LAMC1: variants seen among roughly 807,000 people sequenced by gnomAD.
LAMC1 encodes laminin subunit gamma 1.
In LAMC1, 38 loss-of-function variants were observed where a neutral mutation model predicts 173.6. That is an observed-to-expected ratio of 0.22 (90% CI 0.17 to 0.29). LAMC1 has a LOEUF of 0.29. Ranked by LOEUF, LAMC1 falls within the 10% of genes least tolerant of loss-of-function variation. The pLI is 1.00. For synonymous variants in LAMC1, 746 were observed against 749.1 expected (o/e 1.00, Z 0.07); for missense variants, 1,824 against 2,051.8 (o/e 0.89, Z 2.14).
chr1:183,054,371 C>G (rs1654526918), intron 1 of LAMC1, among the ~76,000 whole-genome samples: 1 of 152,182 alleles, frequency 6.6e-6, no homozygotes, highest in African/African-American at 2.4e-5. Context: ...AGAGGCTGTT[C>G]TCTGAATCAC....
intron 5 of LAMC1, among the ~76,000 whole-genome samples, chr1:183,115,138 C>T (rs774630706): frequency 1.7e-4 from 26 of 152,172 alleles, no homozygotes; most frequent in Non-Finnish European, 3.4e-4. Context: ...GCCCATTCTT[C>T]AAGAGTTTAA....
chr1:183,060,627 A>G (rs973689700), intron 1 of LAMC1, among the ~76,000 whole-genome samples: 1 of 152,134 alleles, frequency 6.6e-6, no homozygotes, highest in African/African-American at 2.4e-5. Flanking sequence ...TACATGTCTG[A>G]CTCATAATTA....
intron 20 of LAMC1, among the ~76,000 whole-genome samples, chr1:183,131,636 T>A (rs1025569181): frequency 1.3e-5 from 2 of 152,216 alleles, no homozygotes; most frequent in Non-Finnish European, 2.9e-5. Context: ...ATATTTATAT[T>A]TCTCAAAACC....
chr1:183,116,143 AT>A (rs1267034693), intron 6 of LAMC1, among the ~76,000 whole-genome samples: 1 of 149,890 alleles, frequency 6.7e-6, no homozygotes, highest in African/African-American at 2.5e-5. Context: ...AAAAAAAAAA[AT>A]GACTTTAGGG....
chr1:183,133,315 G>T (rs943245255), intron 21 of LAMC1, 91 bp from the exon 22 acceptor site: 8 of 1,085,212 alleles, frequency 7.4e-6, no homozygotes, highest in African/African-American at 1.6e-5. Flanking sequence ...GAGGTTTTGG[G>T]CGTATTATCA....
chr1:183,087,192 TA>T lies in LAMC1; in HGVS notation c.419-16133del, dbSNP rs1655454254. ...ACTCAGCCTATTGCCTGGCACTGAG[TA>T]AATTTCAGGGTATGTTTGTAAATTG... On this transcript the variant is annotated intron_variant, in intron 1 of 27. Coordinates refer to ENST00000258341, the MANE Select transcript of LAMC1 (RefSeq NM_002293.4). Among the ~76,000 whole-genome samples the T allele has an allele frequency of 2.0e-5, 3 of 152,302 alleles. No homozygotes were observed. In the South Asian group the frequency reaches 6.2e-4, roughly 32 times the overall value.
At chr1:183,066,659 C>T (rs1030644240) in intron 1 of LAMC1, among the ~76,000 whole-genome samples, 6 of 152,176 alleles carry the variant, frequency 3.9e-5, no homozygotes, top group Non-Finnish European at 7.3e-5. Context: ...TTTGCAGGGA[C>T]ATGGATGAAG....
At chr1:183,079,984 C>T (rs1056742416) in intron 1 of LAMC1, among the ~76,000 whole-genome samples, 12 of 152,080 alleles carry the variant, frequency 7.9e-5, no homozygotes, top group East Asian at 3.9e-4. Context: ...TGGCTCATGC[C>T]TGTAATCCCA....
intron 2 of LAMC1, among the ~76,000 whole-genome samples, chr1:183,105,028 G>T (rs1232611331): frequency 6.7e-6 from 1 of 149,270 alleles, no homozygotes; most frequent in Non-Finnish European, 1.5e-5. Flanking sequence ...GGCCAACATG[G>T]TGAAACCCTG....
intron 1 of LAMC1, among the ~76,000 whole-genome samples, chr1:183,091,884 A>C (rs1474488001): frequency 6.6e-6 from 1 of 152,226 alleles, no homozygotes; most frequent in Non-Finnish European, 1.5e-5. Context: ...TTTACAGGGA[A>C]TCTTGACCAG....
chr1:183,092,902 A>T (rs919807250), intron 1 of LAMC1, among the ~76,000 whole-genome samples: 2 of 152,164 alleles, frequency 1.3e-5, no homozygotes, highest in African/African-American at 4.8e-5. Context: ...AGCACAACAC[A>T]TGATGTCTTC....
chr1:183,071,293 C>T (rs987467163), intron 1 of LAMC1, among the ~76,000 whole-genome samples: 30 of 152,108 alleles, frequency 2.0e-4, no homozygotes, highest in Admixed American at 5.2e-4. Flanking sequence ...ATACTTGATG[C>T]TGTGTTCTGT....
intron 1 of LAMC1, among the ~76,000 whole-genome samples, chr1:183,042,747 C>A (rs1189998265): frequency 6.6e-6 from 1 of 152,224 alleles, no homozygotes; most frequent in Non-Finnish European, 1.5e-5. Context: ...GCACAGCCTT[C>A]ACTCCCTGAC....
intron 2 of LAMC1, among the ~76,000 whole-genome samples, chr1:183,107,972 G>A (rs1656031445): frequency 6.6e-6 from 1 of 152,146 alleles, no homozygotes; most frequent in African/African-American, 2.4e-5. Flanking sequence ...TGTGTATCGA[G>A]TCCCTAATTT....
In LAMC1 at chr1:183,081,549, AAAATAAATAAATAAATAAATAAAT is replaced by A. The variant is rs71127333; in HGVS notation, c.419-21746_419-21723del. 7.3e-4 allele frequency among the ~76,000 whole-genome samples: 102 copies of A among 139,638 alleles called. 1 individual carries two copies. The South Asian group carries it at 7.6e-3, about 10-fold the overall frequency. 91.6% of individuals were successfully genotyped at this position (139,638 alleles called of 152,430 possible). A position where few individuals can be genotyped will look rare whatever the true frequency, so the allele number is the denominator to read the frequency against. ...GGCAACAGAGCGAGACTCCGCCTCA[AAAATAAATAAATAAATAAATAAAT>A]AAATAAATAAATAAATAAATAAATA... On this transcript the variant is annotated intron_variant, in intron 1 of 27. Transcript: ENST00000258341.
chr1:183,054,346 C>T lies in LAMC1; in HGVS notation c.418+30212C>T, dbSNP rs1654526067. ...TTTGTGAGGATTCAGGCTGTGCACTCTAGGGTCTGGTTATAGAGGCTGTTC... is the reference window on the plus strand; with the variant it reads ...TTTGTGAGGATTCAGGCTGTGCACTTTAGGGTCTGGTTATAGAGGCTGTTC... On this transcript the variant is annotated intron_variant, in intron 1 of 27. Transcript: ENST00000258341. 2.6e-5 allele frequency among the ~76,000 whole-genome samples: 4 copies of T among 152,178 alleles called. No homozygotes were observed. The South Asian group carries it at 8.3e-4, about 32-fold the overall frequency.
chr1:183,048,988 G>T (rs942762008), intron 1 of LAMC1, among the ~76,000 whole-genome samples: 3 of 152,132 alleles, frequency 2.0e-5, no homozygotes, highest in Non-Finnish European at 2.9e-5. Context: ...AGATATGATG[G>T]CAGGGACTAC....
intron 1 of LAMC1, among the ~76,000 whole-genome samples, chr1:183,075,320 T>C (rs912557429): frequency 1.3e-5 from 2 of 152,156 alleles, no homozygotes; most frequent in Admixed American, 6.5e-5. Context: ...TTCGCCATGT[T>C]GCCCAGGCTG....
intron 27 of LAMC1, 189 bp downstream of exon 27, chr1:183,140,692 T>A: frequency 2.7e-6 from 1 of 376,634 alleles, no homozygotes; most frequent in Non-Finnish European, 4.7e-6. Context: ...AATAAATGTT[T>A]GTCTTGCATG....
Sources: gnomAD v4.1 joint callset for allele counts (sites outside exome capture counted in the v4.1 genomes callset) on GRCh38, gnomAD v4.1.1 for gene constraint, MANE v1.5 for transcripts, NCBI Gene and HGNC (gene_info 2026-07-23, HGNC 2026-07-21) for gene names.